XKR9: variants seen among roughly 807,000 people sequenced by gnomAD.
XKR9 encodes the protein XK-related protein 9.
XKR9 carries 32 observed loss-of-function variants against 32.0 expected under a neutral mutation model. The observed-to-expected ratio is 1.00, with a 90% CI of 0.76 to 1.34. The LOEUF is 1.34. Ranked by LOEUF, XKR9 falls within the 40% of genes most tolerant of loss-of-function variation. The probability of loss-of-function intolerance (pLI) is 0.00; values close to 1 mark genes in which losing one functional copy is unlikely to be tolerated. For synonymous variants in XKR9, 168 were observed against 143.4 expected (o/e 1.17, Z -1.22); for missense variants, 546 against 429.7 (o/e 1.27, Z -2.39).
chr8:71,036,659 C>G, the XKR9 span, among the ~76,000 whole-genome samples: 1 of 152,022 alleles, frequency 6.6e-6, no homozygotes, highest in African/African-American at 2.4e-5. Context: ...ATAAAATAAT[C>G]AATCACAATG....
the XKR9 span, among the ~76,000 whole-genome samples, chr8:70,830,624 T>C: frequency 6.6e-6 from 1 of 152,118 alleles, no homozygotes; most frequent in Non-Finnish European, 1.5e-5. Context: ...TTACTGTAAA[T>C]AAAATTTATC....
At chr8:70,892,118 T>A in the XKR9 span, among the ~76,000 whole-genome samples, 1 of 152,120 alleles carries the variant, frequency 6.6e-6, no homozygotes, top group Non-Finnish European at 1.5e-5. Flanking sequence ...TCTTTTTCCA[T>A]CCCTTTACTT....
chr8:70,983,802 T>TAAATA, the XKR9 span, among the ~76,000 whole-genome samples: 1 of 151,046 alleles, frequency 6.6e-6, no homozygotes, highest in African/African-American at 2.4e-5. Context: ...AATAAATAAA[T>TAAATA]AAATAAATAA....
intron 3 of XKR9, among the ~76,000 whole-genome samples, chr8:70,697,225 A>C (rs1343096809): frequency 2.6e-5 from 4 of 151,762 alleles, no homozygotes. Flanking sequence ...ACTATGTTGA[A>C]TAGGAGTAGT....
At chr8:70,809,042 C>A in the XKR9 span, among the ~76,000 whole-genome samples, 1 of 152,194 alleles carries the variant, frequency 6.6e-6, no homozygotes, top group Non-Finnish European at 1.5e-5. Context: ...GGTAGGCACC[C>A]CCCAGTAGGG....
At chr8:70,799,969 C>T in the XKR9 span, among the ~76,000 whole-genome samples, 1 of 152,106 alleles carries the variant, frequency 6.6e-6, no homozygotes, top group Non-Finnish European at 1.5e-5. Flanking sequence ...TCCAGCTTTT[C>T]CCATTCAATA....
the XKR9 span, among the ~76,000 whole-genome samples, chr8:71,062,168 G>A: frequency 1.2e-4 from 19 of 152,268 alleles, no homozygotes; most frequent in Admixed American, 2.6e-4. Flanking sequence ...CCATTTTGCC[G>A]TCACAGGATG....
At chr8:70,908,112 A>T in the XKR9 span, among the ~76,000 whole-genome samples, 460 of 152,308 alleles carry the variant, frequency 3.0e-3, 3 homozygotes, top group South Asian at 0.018. Context: ...GTTTCCAGTG[A>T]CATTGAAATG....
chr8:70,808,215 C>G, the XKR9 span, among the ~76,000 whole-genome samples: 1 of 151,994 alleles, frequency 6.6e-6, no homozygotes, highest in Admixed American at 6.6e-5. Context: ...TTTTTTGAAA[C>G]CAATGAGAAG....
the XKR9 span, among the ~76,000 whole-genome samples, chr8:70,917,635 G>A: frequency 8.5e-5 from 13 of 152,270 alleles, no homozygotes; most frequent in Middle Eastern, 6.8e-3. Context: ...AACAATGAAC[G>A]AATGACATGG....
chr8:70,827,866 A>G, the XKR9 span, among the ~76,000 whole-genome samples: 1 of 152,248 alleles, frequency 6.6e-6, no homozygotes, highest in African/African-American at 2.4e-5. Context: ...TATGGTTTAT[A>G]TGGAATTTAA....
At chr8:70,939,607 A>G in the XKR9 span, among the ~76,000 whole-genome samples, 1 of 152,068 alleles carries the variant, frequency 6.6e-6, no homozygotes, top group South Asian at 2.1e-4. Flanking sequence ...TCTATTTTAT[A>G]GTTGTCAAAG....
At chr8:70,906,780 A>G in the XKR9 span, among the ~76,000 whole-genome samples, 2 of 152,218 alleles carry the variant, frequency 1.3e-5, no homozygotes, top group Non-Finnish European at 2.9e-5. Context: ...TAATATTGGC[A>G]TCTATGTAAA....
intron 4 of XKR9, among the ~76,000 whole-genome samples, chr8:70,730,469 TG>T (rs1431750621): frequency 6.6e-6 from 1 of 152,222 alleles, no homozygotes; most frequent in Non-Finnish European, 1.5e-5. Context: ...CCAATAATTC[TG>T]GCTTTTGAAT....
chr8:70,756,676 A>G (rs1234103597), intron 2 of XKR9, among the ~76,000 whole-genome samples: 3 of 152,208 alleles, frequency 2.0e-5, no homozygotes, highest in African/African-American at 7.2e-5. Flanking sequence ...TTGCAAATGT[A>G]TAGACATACT....
chr8:70,907,924 T>C, the XKR9 span, among the ~76,000 whole-genome samples: 2 of 152,254 alleles, frequency 1.3e-5, no homozygotes, highest in African/African-American at 4.8e-5. Context: ...TAAAAGGAAA[T>C]TATTTTGTTT....
chr8:71,047,380 G>A, the XKR9 span, among the ~76,000 whole-genome samples: 2 of 152,106 alleles, frequency 1.3e-5, no homozygotes, highest in Admixed American at 6.5e-5. Flanking sequence ...CAGAGTAAAG[G>A]GTTCATCAAA....
the XKR9 span, among the ~76,000 whole-genome samples, chr8:70,950,014 T>C: frequency 9.7e-3 from 1,472 of 152,338 alleles, 23 homozygotes; most frequent in African/African-American, 0.034. Flanking sequence ...CATTCTTCCC[T>C]GCTAGCAGCC....
At chr8:70,973,776 A>T in the XKR9 span, among the ~76,000 whole-genome samples, 2 of 152,152 alleles carry the variant, frequency 1.3e-5, 1 homozygote, top group Non-Finnish European at 2.9e-5. Context: ...AGTTTTGAAG[A>T]TTCCCTTTGG....
Sources: gnomAD v4.1 joint callset for allele counts (sites outside exome capture counted in the v4.1 genomes callset) on GRCh38, gnomAD v4.1.1 for gene constraint, MANE v1.5 for transcripts, NCBI Gene and HGNC (gene_info 2026-07-23, HGNC 2026-07-21) for gene names.